Variants in ZDHHC3 observed in about 807,000 individuals in gnomAD.
ZDHHC3 encodes the protein palmitoyltransferase ZDHHC3.
Under a neutral mutation model 30.6 loss-of-function variants are expected in ZDHHC3, and 9 were observed. That is an observed-to-expected ratio of 0.29 (90% CI 0.18 to 0.51). The LOEUF (loss-of-function observed/expected upper bound fraction) is 0.51. ZDHHC3 is among the 20% of genes least tolerant of loss of function. The pLI is 0.97. For synonymous variants in ZDHHC3, 136 were observed against 140.2 expected (o/e 0.97, Z 0.21); for missense variants, 246 against 384.2 (o/e 0.64, Z 3.01).
In ZDHHC3 at chr3:44,923,453, C is replaced by A. The variant is rs1700754892; in HGVS notation, c.*3236G>T. ...TTTCTGCATTAGGGGACGGTGGATT[C>A]TAACTATTTAAGTGGCCTAGCCAGA... On this transcript the variant is annotated 3_prime_UTR_variant, in exon 7 of 7. Coordinates refer to ENST00000424952, the MANE Select transcript of ZDHHC3 (RefSeq NM_001135179.2). 1 of 985,252 alleles carries A rather than the reference C, an allele frequency of 1.0e-6. No homozygotes were observed. Among genetic ancestry groups the A allele is most frequent in the Non-Finnish European group, 1.2e-6 (1 of 829,934 alleles). 61.0% of individuals were successfully genotyped at this position (985,252 alleles called of 1,614,324 possible). A position where few individuals can be genotyped will look rare whatever the true frequency, so the allele number is the denominator to read the frequency against.
rs1280392463 is a variant in ZDHHC3, at chr3:44,922,983, A to G, written c.*3706T>C. 2 of 985,196 alleles carry G rather than the reference A, an allele frequency of 2.0e-6. No individual in the cohort carries two copies. The highest frequency in any genetic ancestry group is 3.5e-5 in the African/African-American group (2 of 57,182). The allele number at this position is 985,196 out of a possible 1,614,324, so 61.0% of individuals were successfully genotyped here. On this transcript the variant is annotated 3_prime_UTR_variant, in exon 7 of 7. Transcript: ENST00000424952. Reference sequence around the variant, plus strand: ...CACTGCAAGTCTTGAAAAGAGAGAAATTTAAAACCCATTAGCCTGGCTGAG... The same window carrying G: ...CACTGCAAGTCTTGAAAAGAGAGAAGTTTAAAACCCATTAGCCTGGCTGAG...
In ZDHHC3 at chr3:44,916,213, G is replaced by T. The variant is rs1434582426; in HGVS notation, c.*10476C>A. 2.6e-5 allele frequency: 4 copies of T among 152,232 alleles called. No homozygotes were observed. Among genetic ancestry groups the T allele is most frequent in the Non-Finnish European group, 5.9e-5 (4 of 68,090 alleles). The allele number at this position is 152,232 out of a possible 1,614,324, so 9.4% of individuals were successfully genotyped here. On this transcript the variant is annotated 3_prime_UTR_variant, in exon 7 of 7. Transcript: ENST00000424952. ...GTCATAGTTGGAGAGCTCTGGCAAG[G>T]GTTAGGGCAGAGGTGGCTTTGTGAA... is the stretch of plus-strand genomic sequence containing the variant.
chr3:44,933,743 A>C, intron 4 of ZDHHC3, 145 bp downstream of exon 4: 1 of 784,754 alleles, frequency 1.3e-6, no homozygotes, highest in Non-Finnish European at 2.2e-6. Context: ...TTGTTGAGCC[A>C]GAGAGATCTT....
At position 44,921,784 on chromosome 3, in the gene ZDHHC3, C is replaced by CA; in HGVS notation, c.*4904dup. 4 of 983,032 alleles carry CA rather than the reference C, an allele frequency of 4.1e-6. No homozygotes were observed. The highest frequency in any genetic ancestry group is 4.8e-6 in the Non-Finnish European group (4 of 827,796). The allele number at this position is 983,032 out of a possible 1,614,324, so 60.9% of individuals were successfully genotyped here. A position where few individuals can be genotyped will look rare whatever the true frequency, so the allele number is the denominator to read the frequency against. ...GGTAGTAGGTGCGGTAATAAGTAGC[C>CA]AAGCAGACATTTCAACCAAAGACTG... On this transcript the variant is annotated 3_prime_UTR_variant, in exon 7 of 7. Transcript: ENST00000424952.
At chr3:44,940,806 G>A (rs1463155489) in intron 3 of ZDHHC3, among the ~76,000 whole-genome samples, 1 of 152,186 alleles carries the variant, frequency 6.6e-6, no homozygotes, top group Non-Finnish European at 1.5e-5. Context: ...TCTCCAAGGA[G>A]GTATGAGGGC....
intron 2 of ZDHHC3, among the ~76,000 whole-genome samples, chr3:44,946,245 CCT>C (rs1231416514): frequency 6.6e-6 from 1 of 152,238 alleles, no homozygotes; most frequent in African/African-American, 2.4e-5. Context: ...CCAGAGCTGC[CCT>C]CTGATTTGCT....
chr3:44,937,427 T>G (rs1702059103), intron 3 of ZDHHC3, among the ~76,000 whole-genome samples: 1 of 151,530 alleles, frequency 6.6e-6, no homozygotes, highest in Admixed American at 6.6e-5. Flanking sequence ...TTAGTTCTGC[T>G]GGGCATGGTG....
chr3:44,959,039 C>G lies in ZDHHC3; in HGVS notation c.306+92G>C, dbSNP rs1575917802. ...CCCTGGCCCTCCTATCCTCCAAGTT[C>G]CCAAGGTCCAGGGGGAACATGCAGG... is the stretch of plus-strand genomic sequence containing the variant. On this transcript the variant is annotated intron_variant, in intron 2 of 6. Coordinates refer to ENST00000424952, the MANE Select transcript of ZDHHC3 (RefSeq NM_001135179.2). The surrounding 1 kb of genome is among the most constrained non-coding windows in gnomAD (Gnocchi z 4.3). 4 of 1,485,922 alleles carry G rather than the reference C, an allele frequency of 2.7e-6. No homozygotes were observed. The East Asian group carries it at 9.1e-5, about 34-fold the overall frequency. The allele number at this position is 1,485,922 out of a possible 1,614,324, so 92.0% of individuals were successfully genotyped here. A position where few individuals can be genotyped will look rare whatever the true frequency, so the allele number is the denominator to read the frequency against.
chr3:44,955,456 T>TA (rs1362482568), intron 2 of ZDHHC3, among the ~76,000 whole-genome samples: 12,230 of 113,142 alleles, frequency 0.11, 670 homozygotes, highest in African/African-American at 0.2. Context: ...CCACAAGGTT[T>TA]TTATATATAT....
intron 2 of ZDHHC3, among the ~76,000 whole-genome samples, chr3:44,954,194 A>C (rs1186260456): frequency 1.3e-5 from 2 of 151,684 alleles, no homozygotes; most frequent in Non-Finnish European, 2.9e-5. Flanking sequence ...ACAGAGTGGG[A>C]TTCAAGAGGG....
intron 3 of ZDHHC3, among the ~76,000 whole-genome samples, chr3:44,944,623 A>G (rs1436480886): frequency 1.3e-5 from 2 of 152,098 alleles, no homozygotes; most frequent in Non-Finnish European, 2.9e-5. Flanking sequence ...CTCATCAGAA[A>G]AACTTAATAA....
chr3:44,965,524 T>C (rs1044484256), intron 1 of ZDHHC3, among the ~76,000 whole-genome samples: 5 of 152,188 alleles, frequency 3.3e-5, no homozygotes, highest in African/African-American at 7.2e-5. Flanking sequence ...TGAACTGGCC[T>C]GGCCAAGTGT....
At chr3:44,955,457 T>TTATATATATATATA (rs150337679) in intron 2 of ZDHHC3, among the ~76,000 whole-genome samples, 38 of 143,970 alleles carry the variant, frequency 2.6e-4, no homozygotes, top group African/African-American at 9.7e-4. Flanking sequence ...CACAAGGTTT[T>TTATATATATATATA]TATATATATA....
chr3:44,927,556 C>T (rs1701104923), intron 6 of ZDHHC3, among the ~76,000 whole-genome samples: 1 of 152,164 alleles, frequency 6.6e-6, no homozygotes, highest in Admixed American at 6.5e-5. Context: ...GCCAGGCCAG[C>T]CAGCATGGCA....
rs1025385128 is a variant in ZDHHC3 at position 44,959,644 on chromosome 3, T to C, written c.-24-184A>G. Among the ~76,000 whole-genome samples the C allele has an allele frequency of 1.1e-4, 16 of 152,200 alleles. No homozygotes were observed. Among genetic ancestry groups the C allele is most frequent in the Non-Finnish European group, 2.1e-4 (14 of 68,030 alleles). On this transcript the variant is annotated intron_variant, in intron 1 of 6. Transcript: ENST00000424952. This position sits in a 1 kb window ranked among gnomAD's most constrained non-coding sequence, Gnocchi z 4.3. ...CTGATTCTGAGAGTCAATTTAGCCTTCTTGAAACAGGGCCTTCACATGACA... is the reference window on the plus strand; with the variant it reads ...CTGATTCTGAGAGTCAATTTAGCCTCCTTGAAACAGGGCCTTCACATGACA...
chr3:44,975,974 G>T lies in ZDHHC3; in HGVS notation c.-66C>A, dbSNP rs559617851. 133 of 313,966 alleles carry T rather than the reference G, an allele frequency of 4.2e-4. No individual in the cohort carries two copies. Among genetic ancestry groups the T allele is most frequent in the Non-Finnish European group, 6.8e-4 (118 of 173,258 alleles). The allele number at this position is 313,966 out of a possible 1,614,324, so 19.4% of individuals were successfully genotyped here. On this transcript the variant is annotated 5_prime_UTR_variant, in exon 1 of 7. Transcript: ENST00000424952. ...GTTCCCCAGTCCCAGACCCCGGTGG[G>T]GCTCCCGCCGCCGCCGCCGCTGCCT...
At chr3:44,952,786 T>A (rs771037301) in intron 2 of ZDHHC3, among the ~76,000 whole-genome samples, 1 of 152,222 alleles carries the variant, frequency 6.6e-6, no homozygotes, top group African/African-American at 2.4e-5. Flanking sequence ...AGGGATCACC[T>A]TCTCTGCTAC....
At position 44,975,956 on chromosome 3, in the gene ZDHHC3, A is replaced by G; in HGVS notation, c.-48T>C. 1 of 266,322 alleles carries G rather than the reference A, an allele frequency of 3.8e-6. No homozygotes were observed. Among genetic ancestry groups the G allele is most frequent in the Non-Finnish European group, 7.0e-6 (1 of 143,192 alleles). The allele number at this position is 266,322 out of a possible 1,614,324, so 16.5% of individuals were successfully genotyped here. A position where few individuals can be genotyped will look rare whatever the true frequency, so the allele number is the denominator to read the frequency against. Reference sequence around the variant, plus strand: ...ACCGTGAAGCCGGAGGCAGTTCCCCAGTCCCAGACCCCGGTGGGGCTCCCG... The same window carrying G: ...ACCGTGAAGCCGGAGGCAGTTCCCCGGTCCCAGACCCCGGTGGGGCTCCCG... On this transcript the variant is annotated 5_prime_UTR_variant, in exon 1 of 7. Coordinates refer to ENST00000424952, the MANE Select transcript of ZDHHC3 (RefSeq NM_001135179.2).
chr3:44,931,078 C>T (rs551718863), intron 5 of ZDHHC3, among the ~76,000 whole-genome samples: 4 of 152,284 alleles, frequency 2.6e-5, no homozygotes, highest in Non-Finnish European at 4.4e-5. Flanking sequence ...ACTCCAGGAG[C>T]GGGGAGACTT....
Sources: gnomAD v4.1 joint callset for allele counts (sites outside exome capture counted in the v4.1 genomes callset) on GRCh38, gnomAD v4.1.1 for gene constraint, Gnocchi (gnomAD v3.1) non-coding constraint, MANE v1.5 for transcripts, NCBI Gene and HGNC (gene_info 2026-07-23, HGNC 2026-07-21) for gene names.